The following RNASET2 variants were observed in gnomAD, a reference collection of about 807,000 sequenced individuals.
RNASET2 encodes the protein ribonuclease 6.
A neutral mutation model predicts 33.9 loss-of-function variants in RNASET2; 28 were observed. The ratio of observed to expected loss-of-function variants is 0.83; its 90% CI spans 0.61 to 1.13. The LOEUF is 1.13. Among genes scored for constraint, RNASET2 ranks in the 50% most tolerant of loss-of-function variants. RNASET2 has a pLI of 0.00. For missense variants in RNASET2, 330 were observed against 319.9 expected (o/e 1.03, Z -0.24); for synonymous variants, 123 against 121.0 (o/e 1.02, Z -0.11).
rs559574362 is a variant in RNASET2, at chr6:166,923,512, G to A, written c.*6076C>T. Reference sequence around the variant, plus strand: ...TAGGATTACAGGTATAAGCCACTGCGCCTGGCCCATCTCAAACTTTCTAAT... The same window carrying A: ...TAGGATTACAGGTATAAGCCACTGCACCTGGCCCATCTCAAACTTTCTAAT... On this transcript the variant is annotated 3_prime_UTR_variant, in exon 9 of 9. Coordinates refer to ENST00000508775, the MANE Select transcript of RNASET2 (RefSeq NM_003730.6). 1.3e-5 allele frequency among the ~76,000 whole-genome samples: 2 copies of A among 151,974 alleles called. No individual in the cohort carries two copies. Among genetic ancestry groups the A allele is most frequent in the East Asian group, 1.9e-4 (1 of 5,170 alleles).
intron 1 of RNASET2, 69 bp from the exon 2 acceptor site, chr6:166,952,617 A>C: frequency 2.6e-6 from 3 of 1,176,350 alleles, no homozygotes; most frequent in Non-Finnish European, 3.8e-6. Flanking sequence ...TCATCCACCC[A>C]TCCATCCCTT....
chr6:166,950,370 A>AT (rs1205418634), intron 2 of RNASET2, among the ~76,000 whole-genome samples: 1 of 152,234 alleles, frequency 6.6e-6, no homozygotes, highest in Non-Finnish European at 1.5e-5. Flanking sequence ...GGAGCGCAAC[A>AT]TTAAGTCTGC....
At position 166,929,759 on chromosome 6, in the gene RNASET2, T is replaced by A. The variant is rs974396478; in HGVS notation, c.600A>T (p.Glu200Asp). The change falls in exon 9 of 9, where the codon GAA becomes GAT. Residue 200 changes from glutamate to aspartate, a missense_variant. Transcript: ENST00000508775. The part of the protein sequence containing the change: ...DEEVQTIGQI[E>D]LCLTKQDQQL... ...GCTGGTCTTGCTTAGTGAGGCACAG[T>A]TCTATCTGACCAATTGTCTGTACTT... is the stretch of plus-strand genomic sequence containing the variant. 20 of 1,614,054 alleles carry A rather than the reference T, an allele frequency of 1.2e-5. No individual in the cohort carries two copies. The highest frequency in any genetic ancestry group is 2.7e-5 in the African/African-American group (2 of 74,930).
intron 4 of RNASET2, chr6:166,945,030 C>G (rs1778797302): frequency 7.1e-6 from 1 of 140,590 alleles, no homozygotes; most frequent in South Asian, 1.6e-4. Flanking sequence ...CAGCCCTGCC[C>G]TCACCCACCC....
intron 6 of RNASET2, among the ~76,000 whole-genome samples, chr6:166,936,625 T>C (rs1384949158): frequency 6.6e-6 from 1 of 152,074 alleles, no homozygotes; most frequent in East Asian, 1.9e-4. Flanking sequence ...AACAACCAGC[T>C]CTCTGGGGAA....
At chr6:166,935,820 T>G (rs1780461311) in intron 6 of RNASET2, among the ~76,000 whole-genome samples, 1 of 152,110 alleles carries the variant, frequency 6.6e-6, no homozygotes, top group Non-Finnish European at 1.5e-5. Flanking sequence ...TAGGATTACG[T>G]GCACCACCAT....
At chr6:166,935,293 TGA>T (rs2128644735) in intron 6 of RNASET2, among the ~76,000 whole-genome samples, 1 of 152,356 alleles carries the variant, frequency 6.6e-6, no homozygotes, top group African/African-American at 2.4e-5. Flanking sequence ...TTTGATATAT[TGA>T]GTTTAATAAA....
intron 8 of RNASET2, 51 bp downstream of exon 8, chr6:166,930,993 T>G (rs1778422917): frequency 7.8e-7 from 1 of 1,287,158 alleles, no homozygotes; most frequent in Admixed American, 1.7e-5. Context: ...ATCAGAAAAG[T>G]AGAACCTGTC....
chr6:166,956,355 C>T lies in RNASET2; in HGVS notation c.-173G>A. ...GCCCGGAGCCCTGGGACGGCCTAAACCAGTATCTCGCGGGCCCCGCGCCGG... is the reference window on the plus strand; with the variant it reads ...GCCCGGAGCCCTGGGACGGCCTAAATCAGTATCTCGCGGGCCCCGCGCCGG... On this transcript the variant is annotated 5_prime_UTR_variant, in exon 1 of 9. Transcript: ENST00000508775. 1 of 634,996 alleles carries T rather than the reference C, an allele frequency of 1.6e-6. No individual in the cohort carries two copies. The highest frequency in any genetic ancestry group is 2.8e-6 in the Non-Finnish European group (1 of 361,174). 39.3% of individuals were successfully genotyped at this position (634,996 alleles called of 1,614,324 possible).
intron 4 of RNASET2, among the ~76,000 whole-genome samples, chr6:166,946,474 C>CAGGGG (rs1254959342): frequency 1.4e-4 from 21 of 152,162 alleles, no homozygotes; most frequent in Admixed American, 9.8e-4. Flanking sequence ...GGGCACAGGG[C>CAGGGG]AGGGGAGGGG....
rs533630540 is a variant in RNASET2 at position 166,924,760 on chromosome 6, G to A, written c.*4828C>T. 3.3e-5 allele frequency among the ~76,000 whole-genome samples: 5 copies of A among 152,174 alleles called. No individual in the cohort carries two copies. The highest frequency in any genetic ancestry group is 4.1e-4 in the South Asian group (2 of 4,824). ...CCGAGGTCGGGAGTTTGAGACCAGCGTGACCAACATGGAGAAAACCCATCT... is the reference window on the plus strand; with the variant it reads ...CCGAGGTCGGGAGTTTGAGACCAGCATGACCAACATGGAGAAAACCCATCT... On this transcript the variant is annotated 3_prime_UTR_variant, in exon 9 of 9. Transcript: ENST00000508775.
At chr6:166,955,065 C>T (rs1271681583) in intron 1 of RNASET2, among the ~76,000 whole-genome samples, 2 of 152,072 alleles carry the variant, frequency 1.3e-5, no homozygotes, top group Non-Finnish European at 2.9e-5. Flanking sequence ...CCGATCATTA[C>T]CCAAATAGAA....
intron 4 of RNASET2, among the ~76,000 whole-genome samples, chr6:166,945,843 A>AAAAAAAAG (rs1554268873): frequency 8.9e-5 from 13 of 146,256 alleles, no homozygotes; most frequent in African/African-American, 8.1e-5. Context: ...AAAAAAAAAA[A>AAAAAAAAG]AAAAGAAAAG....
Position 166,955,407 on chromosome 6 carries a change from A to ACGCG in RNASET2, c.86+686_86+689dup, listed in dbSNP as rs1163592139. 7.5e-6 allele frequency: 5 copies of ACGCG among 665,312 alleles called. 1 individual carries two copies. The highest frequency in any genetic ancestry group is 9.0e-6 in the Non-Finnish European group (5 of 553,726). The allele number at this position is 665,312 out of a possible 1,614,324, so 41.2% of individuals were successfully genotyped here. On this transcript the variant is annotated intron_variant, in intron 1 of 8. Coordinates refer to ENST00000508775, the MANE Select transcript of RNASET2 (RefSeq NM_003730.6). ...CACACACACACACGCGCACACACAC[A>ACGCG]CGCGCACACACACACACACGCGGAG... is the stretch of plus-strand genomic sequence containing the variant.
chr6:166,936,416 G>T (rs1337695720), intron 6 of RNASET2, among the ~76,000 whole-genome samples: 1 of 152,122 alleles, frequency 6.6e-6, no homozygotes, highest in Admixed American at 6.5e-5. Context: ...ACCTGAGGCT[G>T]GGTAATTTAT....
intron 8 of RNASET2, among the ~76,000 whole-genome samples, chr6:166,930,306 A>G (rs1778388557): frequency 6.6e-6 from 1 of 151,566 alleles, no homozygotes; most frequent in Non-Finnish European, 1.5e-5. Context: ...GCTCACACAG[A>G]CACACATGCA....
In RNASET2 at chr6:166,955,582, C is replaced by T. The variant is rs141204531; in HGVS notation, c.86+515G>A. 1,212 of 992,534 alleles carry T rather than the reference C, an allele frequency of 1.2e-3. 15 individuals are homozygous for T. The African/African-American group carries it at 0.019, about 16-fold the overall frequency. 61.5% of individuals were successfully genotyped at this position (992,534 alleles called of 1,614,324 possible). On this transcript the variant is annotated intron_variant, in intron 1 of 8. Transcript: ENST00000508775. ...AACTTCGAGTGCAGGAACAGTGCTC[C>T]ACCAAGCCTGCCACCTGCTTTGTCG... is the stretch of plus-strand genomic sequence containing the variant.
At position 166,923,732 on chromosome 6, in the gene RNASET2, C is replaced by T. The variant is rs144977554; in HGVS notation, c.*5856G>A. ...TCACTACTGCCCCTTCTATGGGAAA[C>T]GTAGCTCATCCCATAAGCAATGCAA... On this transcript the variant is annotated 3_prime_UTR_variant, in exon 9 of 9. Coordinates refer to ENST00000508775, the MANE Select transcript of RNASET2 (RefSeq NM_003730.6). Among the ~76,000 whole-genome samples, 22 of 152,334 alleles carry T rather than the reference C, an allele frequency of 1.4e-4. No homozygotes were observed. In the East Asian group the frequency reaches 2.3e-3, roughly 16 times the overall value.
In RNASET2 at chr6:166,936,342, G is replaced by C. The variant is rs1199923534; in HGVS notation, c.447-2206C>G. ...CAGGAACTCCAGGACTTAGAGTTTT[G>C]CATGTGTCGTGTGTGTGTGTGTGTG... On this transcript the variant is annotated intron_variant, in intron 6 of 8. Transcript: ENST00000508775. Among the ~76,000 whole-genome samples the C allele has an allele frequency of 3.2e-5, 3 of 95,050 alleles. No individual in the cohort carries two copies. In the East Asian group the frequency reaches 1.1e-3, roughly 35 times the overall value. The allele number at this position is 95,050 out of a possible 152,430, so 62.4% of individuals were successfully genotyped here.
Sources: allele counts gnomAD v4.1 joint callset (sites outside exome capture counted in the v4.1 genomes callset), GRCh38; gene constraint gnomAD v4.1.1; transcripts MANE v1.5; gene names NCBI Gene and HGNC (gene_info 2026-07-23, HGNC 2026-07-21).